Variants in DPP10 observed in about 807,000 individuals in gnomAD.
DPP10 encodes dipeptidyl peptidase like 10.
DPP10 carries 33 observed loss-of-function variants against 120.9 expected under a neutral mutation model. That is an observed-to-expected ratio of 0.27 (90% CI 0.21 to 0.37). The LOEUF is 0.37. Ranked by LOEUF, DPP10 falls within the 10% of genes least tolerant of loss-of-function variation. The pLI, the probability that DPP10 is intolerant of heterozygous loss-of-function variation, is 1.00. For synonymous variants in DPP10, 337 were observed against 326.1 expected (o/e 1.03, Z -0.36); for missense variants, 816 against 942.8 (o/e 0.87, Z 1.76).
At chr2:114,829,839 G>T (rs1253473794) in intron 1 of DPP10, among the ~76,000 whole-genome samples, 1 of 152,044 alleles carries the variant, frequency 6.6e-6, no homozygotes, top group East Asian at 1.9e-4. Flanking sequence ...TCTTGAAAGC[G>T]TCACTATGCG....
At chr2:115,048,088 C>T (rs1249511674) in intron 1 of DPP10, among the ~76,000 whole-genome samples, 2 of 152,118 alleles carry the variant, frequency 1.3e-5, no homozygotes, top group Non-Finnish European at 2.9e-5. Context: ...GGACTGGAAG[C>T]ATGTTTTATG....
At position 114,809,019 on chromosome 2, in the gene DPP10, G is replaced by A. The variant is rs945667448; in HGVS notation, c.60+366181G>A. Among the ~76,000 whole-genome samples, 3 of 127,936 alleles carry A rather than the reference G, an allele frequency of 2.3e-5. 1 individual carries two copies. The highest frequency in any genetic ancestry group is 5.2e-5 in the Non-Finnish European group (3 of 57,750). The allele number at this position is 127,936 out of a possible 152,430, so 83.9% of individuals were successfully genotyped here. ...GTAAAAGACTGCTTTTTGAATTAATGCATTTTTATAATTAATTAAGTAATT... is the reference window on the plus strand; with the variant it reads ...GTAAAAGACTGCTTTTTGAATTAATACATTTTTATAATTAATTAAGTAATT... On this transcript the variant is annotated intron_variant, in intron 1 of 25. Coordinates refer to ENST00000410059, the MANE Select transcript of DPP10 (RefSeq NM_020868.6).
intron 17 of DPP10, among the ~76,000 whole-genome samples, chr2:115,783,038 T>C (rs1408497490): frequency 6.6e-6 from 1 of 152,132 alleles, no homozygotes; most frequent in East Asian, 1.9e-4. Context: ...CCAGATTTCA[T>C]CCTGCCTTCC....
intron 1 of DPP10, among the ~76,000 whole-genome samples, chr2:114,967,922 C>A (rs1452063176): frequency 6.6e-6 from 1 of 152,082 alleles, no homozygotes; most frequent in Non-Finnish European, 1.5e-5. Context: ...AATTCTCAGG[C>A]CTCGACTTAG....
intron 1 of DPP10, among the ~76,000 whole-genome samples, chr2:114,980,459 C>G (rs1248539685): frequency 6.6e-6 from 1 of 151,892 alleles, no homozygotes; most frequent in African/African-American, 2.4e-5. Flanking sequence ...TACGTTGACA[C>G]TCAAGAATAT....
At chr2:115,410,243 A>G (rs939268030) in intron 3 of DPP10, among the ~76,000 whole-genome samples, 4 of 152,250 alleles carry the variant, frequency 2.6e-5, no homozygotes, top group Non-Finnish European at 4.4e-5. Context: ...ATGCCCATCA[A>G]TGATAGACTG....
intron 1 of DPP10, among the ~76,000 whole-genome samples, chr2:114,689,416 T>C (rs1375842326): frequency 6.6e-6 from 1 of 152,020 alleles, no homozygotes; most frequent in Non-Finnish European, 1.5e-5. Context: ...ATGATCTCAT[T>C]CATTTTTGTG....
intron 1 of DPP10, among the ~76,000 whole-genome samples, chr2:115,222,078 A>T: frequency 6.6e-6 from 1 of 152,152 alleles, no homozygotes; most frequent in East Asian, 1.9e-4. Flanking sequence ...ATTTAGGAAC[A>T]CAGGGGAGAG....
chr2:114,556,244 T>C (rs1006653388), intron 1 of DPP10, among the ~76,000 whole-genome samples: 1 of 107,986 alleles, frequency 9.3e-6, no homozygotes, highest in East Asian at 3.7e-4. Context: ...CATATATATA[T>C]ATATATATAT....
chr2:115,341,490 C>T (rs2063444907), intron 2 of DPP10, among the ~76,000 whole-genome samples: 2 of 152,148 alleles, frequency 1.3e-5, no homozygotes. Context: ...TTTGGATTCA[C>T]TTTCCAGTGG....
At chr2:114,587,943 A>G (rs963264438) in intron 1 of DPP10, among the ~76,000 whole-genome samples, 3 of 152,248 alleles carry the variant, frequency 2.0e-5, no homozygotes, top group African/African-American at 4.8e-5. Context: ...CATGAAGGTT[A>G]CAGGCCTAAC....
chr2:114,454,279 C>T (rs1678442909), intron 1 of DPP10, among the ~76,000 whole-genome samples: 1 of 152,172 alleles, frequency 6.6e-6, no homozygotes, highest in South Asian at 2.1e-4. Flanking sequence ...TATTTCATCA[C>T]TACCATTGTT....
intron 1 of DPP10, among the ~76,000 whole-genome samples, chr2:114,635,734 T>TA (rs2105399696): frequency 6.6e-6 from 1 of 152,030 alleles, no homozygotes; most frequent in Admixed American, 6.5e-5. Flanking sequence ...AAAGACTTTT[T>TA]ATTGATGTGA....
At chr2:114,985,888 A>G (rs1700364025) in intron 1 of DPP10, among the ~76,000 whole-genome samples, 1 of 152,252 alleles carries the variant, frequency 6.6e-6, no homozygotes, top group Non-Finnish European at 1.5e-5. Flanking sequence ...TTATACGAGC[A>G]TAATTAAAAT....
intron 2 of DPP10, among the ~76,000 whole-genome samples, chr2:115,323,590 T>A (rs1319150679): frequency 2.1e-4 from 32 of 152,210 alleles, no homozygotes. Flanking sequence ...GAAGAATCAG[T>A]ATCTATGGCA....
intron 1 of DPP10, among the ~76,000 whole-genome samples, chr2:114,840,021 T>C (rs1057267493): frequency 6.6e-5 from 10 of 152,166 alleles, no homozygotes; most frequent in African/African-American, 2.2e-4. Flanking sequence ...TCCAGGTTCA[T>C]GTAAAGCTGA....
intron 9 of DPP10, among the ~76,000 whole-genome samples, chr2:115,745,723 A>G (rs367686729): frequency 8.4e-5 from 12 of 142,180 alleles, no homozygotes; most frequent in Admixed American, 5.3e-4. Context: ...TGCATTTCAT[A>G]TCCTCTAATG....
chr2:114,873,670 G>T (rs1690893490), intron 1 of DPP10, among the ~76,000 whole-genome samples: 1 of 151,048 alleles, frequency 6.6e-6, no homozygotes, highest in Non-Finnish European at 1.5e-5. Flanking sequence ...ATGCTGGCTA[G>T]CCAAAAAAAC....
intron 1 of DPP10, among the ~76,000 whole-genome samples, chr2:114,595,932 T>C (rs1691870565): frequency 6.6e-6 from 1 of 152,110 alleles, no homozygotes; most frequent in African/African-American, 2.4e-5. Flanking sequence ...TGATTTGTAA[T>C]CCCACAGTGG....
Sources: gnomAD v4.1 joint callset for allele counts (sites outside exome capture counted in the v4.1 genomes callset) on GRCh38, gnomAD v4.1.1 for gene constraint, MANE v1.5 for transcripts, NCBI Gene and HGNC (gene_info 2026-07-23, HGNC 2026-07-21) for gene names.